Variants in ZNF454 observed in about 807,000 individuals in gnomAD.
ZNF454 encodes zinc finger protein 454.
A neutral mutation model predicts 48.2 loss-of-function variants in ZNF454; 30 were observed. The observed-to-expected ratio is 0.62, with a 90% confidence interval of 0.47 to 0.84. The LOEUF is 0.84. Among genes scored for constraint, ZNF454 ranks in the 40% least tolerant of loss-of-function variants. The pLI is 0.00. For synonymous variants in ZNF454, 204 were observed against 211.4 expected (o/e 0.97, Z 0.30); for missense variants, 510 against 623.1 (o/e 0.82, Z 1.93).
downstream of ZNF454, chr5:178,969,345 T>G: frequency 2.4e-6 from 1 of 417,484 alleles, no homozygotes; most frequent in Non-Finnish European, 4.9e-6. Flanking sequence ...CTGTGTGGTG[T>G]TAGACATTTC....
chr5:178,982,971 G>T, the ZNF454 span: 1 of 1,614,222 alleles, frequency 6.2e-7, no homozygotes, highest in Admixed American at 1.7e-5. Context: ...GATGATGCAG[G>T]TGGTGTACAT....
chr5:178,968,986 TC>T, downstream of ZNF454: 1 of 401,498 alleles, frequency 2.5e-6, no homozygotes, highest in South Asian at 1.8e-5. Flanking sequence ...GCTTGGGTTT[TC>T]ATGAAATCAG....
In ZNF454 at chr5:178,941,470, A is replaced by G. The variant is rs768190476; in HGVS notation, c.-108+26A>G. 1 of 456,706 alleles carries G rather than the reference A, an allele frequency of 2.2e-6. No individual in the cohort carries two copies. Among genetic ancestry groups the G allele is most frequent in the South Asian group, 1.5e-5 (1 of 64,564 alleles). The allele number at this position is 456,706 out of a possible 1,614,324, so 28.3% of individuals were successfully genotyped here. A position where few individuals can be genotyped will look rare whatever the true frequency, so the allele number is the denominator to read the frequency against. ...GTATGTCTGAGATTTGATCCCAGAG[A>G]GGGAGGACGGCCAGGGGTGGTCATC... On this transcript the variant is annotated intron_variant, in intron 1 of 4. Coordinates refer to ENST00000519564, the MANE Select transcript of ZNF454 (RefSeq NM_001178089.3). The surrounding 1 kb of genome is among the most constrained non-coding windows in gnomAD (Gnocchi z 5.5).
the ZNF454 span, among the ~76,000 whole-genome samples, chr5:178,973,896 A>G: frequency 4.0e-5 from 6 of 151,680 alleles, no homozygotes; most frequent in Non-Finnish European, 8.8e-5. Context: ...CTATCCATTT[A>G]TATTACTTCT....
At chr5:178,981,993 G>C in the ZNF454 span, 1 of 759,984 alleles carries the variant, frequency 1.3e-6, no homozygotes, top group African/African-American at 1.7e-5. The surrounding 1 kb of genome is among the most constrained non-coding windows in gnomAD (Gnocchi z 5.1). Context: ...CAGGACAACA[G>C]TATGAGCAGG....
chr5:178,946,499 C>T lies in ZNF454; in HGVS notation c.160+14C>T, dbSNP rs1759344533. 17 of 1,580,508 alleles carry T rather than the reference C, an allele frequency of 1.1e-5. No homozygotes were observed. The East Asian group carries it at 3.4e-4, about 31-fold the overall frequency. ...TGGTCTCACTGGGTAAGTGGGACCC[C>T]TGCAAGGTTTCTCTTCACTTTTGGG... is the stretch of plus-strand genomic sequence containing the variant. On this transcript the variant is annotated intron_variant, in intron 3 of 4. Transcript: ENST00000519564. The surrounding 1 kb of genome is among the most constrained non-coding windows in gnomAD (Gnocchi z 4.5).
At chr5:178,973,955 AG>A in the ZNF454 span, among the ~76,000 whole-genome samples, 1 of 152,022 alleles carries the variant, frequency 6.6e-6, no homozygotes. Context: ...TGAAACCTGG[AG>A]GCTTTTGTCA....
intron 4 of ZNF454, among the ~76,000 whole-genome samples, chr5:178,963,631 T>G (rs1028180043): frequency 6.6e-6 from 1 of 151,730 alleles, no homozygotes; most frequent in Non-Finnish European, 1.5e-5. Flanking sequence ...GCCCTGAGAA[T>G]ACTTGCCGGC....
intron 4 of ZNF454, among the ~76,000 whole-genome samples, chr5:178,949,503 T>A (rs1167541425): frequency 1.3e-5 from 2 of 152,260 alleles, no homozygotes. Context: ...CTGGTCATTT[T>A]CAAATAGCTA....
intron 4 of ZNF454, among the ~76,000 whole-genome samples, chr5:178,954,965 A>G (rs1420467800): frequency 1.3e-5 from 2 of 152,156 alleles, no homozygotes; most frequent in Non-Finnish European, 2.9e-5. Flanking sequence ...ACCAGTGAGG[A>G]TTTGAGTTGC....
chr5:178,982,923 T>C, the ZNF454 span: 4 of 1,613,552 alleles, frequency 2.5e-6, no homozygotes, highest in South Asian at 2.2e-5. Context: ...TTCAGCTGAC[T>C]GGGCAGTGCC....
chr5:178,973,529 T>C, the ZNF454 span, among the ~76,000 whole-genome samples: 1 of 152,050 alleles, frequency 6.6e-6, no homozygotes, highest in Non-Finnish European at 1.5e-5. Context: ...GTTTTTAGTG[T>C]CTTTACTGAT....
the ZNF454 span, chr5:178,986,787 C>A: frequency 6.2e-7 from 1 of 1,611,634 alleles, no homozygotes; most frequent in Non-Finnish European, 8.5e-7. Flanking sequence ...GGGGCGTCTG[C>A]CTCCGGGATC....
intron 4 of ZNF454, among the ~76,000 whole-genome samples, chr5:178,958,625 C>T (rs138035503): frequency 6.6e-6 from 1 of 152,202 alleles, no homozygotes; most frequent in Non-Finnish European, 1.5e-5. Flanking sequence ...TATGATTATG[C>T]ATATGCAAAC....
chr5:178,963,188 A>AT (rs1260903832), intron 4 of ZNF454, among the ~76,000 whole-genome samples: 2 of 151,836 alleles, frequency 1.3e-5, no homozygotes, highest in Non-Finnish European at 2.9e-5. Context: ...CCTGGGTGAC[A>AT]TCTGATGCCT....
the ZNF454 span, chr5:178,978,784 G>A: frequency 6.6e-6 from 1 of 152,242 alleles, no homozygotes; most frequent in African/African-American, 2.4e-5. Flanking sequence ...GCTCTCACTC[G>A]ACATAAGAGA....
Position 178,942,685 on chromosome 5 carries a change from C to T in ZNF454, c.-107C>T. 2 of 1,258,018 alleles carry T rather than the reference C, an allele frequency of 1.6e-6. No homozygotes were observed. The highest frequency in any genetic ancestry group is 1.2e-5 in the South Asian group (1 of 81,266). The allele number at this position is 1,258,018 out of a possible 1,614,324, so 77.9% of individuals were successfully genotyped here. On this transcript the variant is annotated splice_region_variant and 5_prime_UTR_variant, in exon 2 of 5. It introduces an in-frame stop codon into an upstream open reading frame of the 5' UTR. Coordinates refer to ENST00000519564, the MANE Select transcript of ZNF454 (RefSeq NM_001178089.3). ...TTTTGACCCAGTTCTCTCCTAATAG[C>T]AGGTGTGTGGACCCTTCTAGCCTGA...
chr5:178,988,985 G>A, the ZNF454 span: 9 of 1,614,060 alleles, frequency 5.6e-6, no homozygotes, highest in East Asian at 1.8e-4. The surrounding 1 kb of genome is among the most constrained non-coding windows in gnomAD (Gnocchi z 6.0). Context: ...CCCATCAGTG[G>A]GTTCCATCGC....
At chr5:178,962,901 T>C (rs1387481197) in intron 4 of ZNF454, among the ~76,000 whole-genome samples, 1 of 151,768 alleles carries the variant, frequency 6.6e-6, no homozygotes, top group Non-Finnish European at 1.5e-5. Flanking sequence ...TCACAATATT[T>C]GTAAAGCTAT....
Sources: allele counts gnomAD v4.1 joint callset (sites outside exome capture counted in the v4.1 genomes callset), GRCh38; gene constraint gnomAD v4.1.1; non-coding constraint Gnocchi (gnomAD v3.1); transcripts MANE v1.5; gene names NCBI Gene and HGNC (gene_info 2026-07-23, HGNC 2026-07-21).